RPTOR: variants seen among roughly 807,000 people sequenced by gnomAD.
RPTOR encodes the protein regulatory-associated protein of mTOR.
A neutral mutation model predicts 169.9 loss-of-function variants in RPTOR; 21 were observed. The ratio of observed to expected loss-of-function variants is 0.12; its 90% confidence interval spans 0.09 to 0.18. The LOEUF (loss-of-function observed/expected upper bound fraction) is 0.18, where lower values mean the gene tolerates loss of function less well. RPTOR is among the 10% of genes least tolerant of loss of function. The probability of loss-of-function intolerance (pLI) is 1.00; values close to 1 mark genes in which losing one functional copy is unlikely to be tolerated. For synonymous variants in RPTOR, 732 were observed against 753.2 expected (o/e 0.97, Z 0.46); for missense variants, 1,133 against 1,855.9 (o/e 0.61, Z 7.16).
rs570269330 is a variant in RPTOR, at chr17:80,574,471, T to C, written c.162+28680T>C. Among the ~76,000 whole-genome samples, 3 of 152,094 alleles carry C rather than the reference T, an allele frequency of 2.0e-5. No homozygotes were observed. In the East Asian group the frequency reaches 5.8e-4, roughly 29 times the overall value. On this transcript the variant is annotated intron_variant, in intron 1 of 33. Coordinates refer to ENST00000306801, the MANE Select transcript of RPTOR (RefSeq NM_020761.3). ...GTGAGCCACCGCGCCCGGCCGGTTT[T>C]TTTTTTCTTTTTGAGTCAGTTTTGG...
At chr17:80,577,307 G>C (rs1012011151) in intron 1 of RPTOR, among the ~76,000 whole-genome samples, 2 of 152,154 alleles carry the variant, frequency 1.3e-5, no homozygotes, top group Non-Finnish European at 2.9e-5. Context: ...TGTGATTATA[G>C]GCATGAGCCA....
At chr17:80,729,144 A>C (rs1034076249) in intron 4 of RPTOR, among the ~76,000 whole-genome samples, 1 of 152,232 alleles carries the variant, frequency 6.6e-6, no homozygotes, top group Admixed American at 6.5e-5. Context: ...GCACGGACAA[A>C]GCTTCTGCAG....
At position 80,883,203 on chromosome 17, in the gene RPTOR, G is replaced by C. The variant is rs542914895; in HGVS notation, c.1585-216G>C. On this transcript the variant is annotated intron_variant, in intron 14 of 33. Coordinates refer to ENST00000306801, the MANE Select transcript of RPTOR (RefSeq NM_020761.3). ...TGTTAGGGCTTCCAAGGAGCAGTCT[G>C]TTCACTCCGGGAGGCGAGCCTGGAG... Among the ~76,000 whole-genome samples, 9 of 152,330 alleles carry C rather than the reference G, an allele frequency of 5.9e-5. No individual in the cohort carries two copies. The South Asian group carries it at 1.7e-3, about 28-fold the overall frequency.
intron 6 of RPTOR, among the ~76,000 whole-genome samples, chr17:80,759,948 C>T (rs1186260124): frequency 6.6e-6 from 1 of 152,116 alleles, no homozygotes; most frequent in Non-Finnish European, 1.5e-5. Flanking sequence ...TGTAAGTGGA[C>T]AGAATTTACG....
At chr17:80,584,058 G>T (rs1262119724) in intron 1 of RPTOR, among the ~76,000 whole-genome samples, 1 of 152,226 alleles carries the variant, frequency 6.6e-6, no homozygotes. Context: ...AGAGGTCAGG[G>T]GCATGGCGCA....
chr17:80,625,676 C>T lies in RPTOR; in HGVS notation c.163-15C>T, dbSNP rs771146471. Reference sequence around the variant, plus strand: ...TATTGAAATATTTATTTATTTTTTTCTGTTGTGTTTTCAGATGAAGACAGT... The same window carrying T: ...TATTGAAATATTTATTTATTTTTTTTTGTTGTGTTTTCAGATGAAGACAGT... On this transcript the variant is annotated splice_polypyrimidine_tract_variant and intron_variant, in intron 1 of 33. Transcript: ENST00000306801. The T allele has an allele frequency of 6.5e-7, 1 of 1,536,960 alleles. No homozygotes were observed. Among genetic ancestry groups the T allele is most frequent in the Admixed American group, 1.7e-5 (1 of 59,724 alleles).
In RPTOR at chr17:80,840,221, C is replaced by G. The variant is rs114065052; in HGVS notation, c.1212+2224C>G. On this transcript the variant is annotated intron_variant, in intron 10 of 33. Coordinates refer to ENST00000306801, the MANE Select transcript of RPTOR (RefSeq NM_020761.3). ...AGTTTTGTGCTTGGATGCGTGGAGT[C>G]ACGCAGGGTGTAGTCTTTGTGCCTG... 3.1e-3 allele frequency among the ~76,000 whole-genome samples: 465 copies of G among 152,280 alleles called. 3 individuals are homozygous for G. Among genetic ancestry groups the G allele is most frequent in the African/African-American group, 0.011 (439 of 41,536 alleles).
At chr17:80,952,073 T>TG (rs1324770811) in intron 28 of RPTOR, among the ~76,000 whole-genome samples, 1 of 152,138 alleles carries the variant, frequency 6.6e-6, no homozygotes, top group African/African-American at 2.4e-5. Flanking sequence ...AGCAGGTTGC[T>TG]GGGGGATGTC....
At position 80,625,847 on chromosome 17, in the gene RPTOR, C is replaced by T. The variant is rs2065389802; in HGVS notation, c.265+54C>T. ...CAAAGGCCGTCTGGCCGGCTCTGGC[C>T]TGGGCGGGGCTCGCCAAGCCTGTGG... On this transcript the variant is annotated intron_variant, in intron 2 of 33. Transcript: ENST00000306801. 3 of 1,286,180 alleles carry T rather than the reference C, an allele frequency of 2.3e-6. No homozygotes were observed. In the East Asian group the frequency reaches 6.9e-5, roughly 30 times the overall value. 79.7% of individuals were successfully genotyped at this position (1,286,180 alleles called of 1,614,324 possible). A position where few individuals can be genotyped will look rare whatever the true frequency, so the allele number is the denominator to read the frequency against.
In RPTOR at chr17:80,601,569, T is replaced by TTTTTTTTTTTTC. The variant is rs2065188094; in HGVS notation, c.163-24119_163-24118insTTTTTTTTCTTT. On this transcript the variant is annotated intron_variant, in intron 1 of 33. Coordinates refer to ENST00000306801, the MANE Select transcript of RPTOR (RefSeq NM_020761.3). Reference sequence around the variant, plus strand: ...GATGGTTCAGTCTTTTTTTTTTTTTTTTTAAATTTATTTTTTTATTGATAA... The same window carrying TTTTTTTTTTTTC: ...GATGGTTCAGTCTTTTTTTTTTTTTTTTTTTTTTTTTCTTTAAATTTATTTTTTTATTGATAA... Among the ~76,000 whole-genome samples the TTTTTTTTTTTTC allele has an allele frequency of 5.3e-5, 3 of 56,794 alleles. 1 individual carries two copies. The highest frequency in any genetic ancestry group is 1.1e-4 in the Non-Finnish European group (3 of 28,512). 37.3% of individuals were successfully genotyped at this position (56,794 alleles called of 152,430 possible). A position where few individuals can be genotyped will look rare whatever the true frequency, so the allele number is the denominator to read the frequency against.
At position 80,721,681 on chromosome 17, in the gene RPTOR, A is replaced by G. The variant is rs2066288126; in HGVS notation, c.508-8879A>G. Among the ~76,000 whole-genome samples, 1 of 151,356 alleles carries G rather than the reference A, an allele frequency of 6.6e-6. No individual in the cohort carries two copies. Among genetic ancestry groups the G allele is most frequent in the Non-Finnish European group, 1.5e-5 (1 of 68,040 alleles). On this transcript the variant is annotated intron_variant, in intron 4 of 33. Coordinates refer to ENST00000306801, the MANE Select transcript of RPTOR (RefSeq NM_020761.3). The surrounding 1 kb of genome is among the most constrained non-coding windows in gnomAD (Gnocchi z 4.7). ...CGGGCTTATTTTGGTAGTCATACAC[A>G]TGAAATGCACTTTGGGGGAGAAGGA... is the stretch of plus-strand genomic sequence containing the variant.
chr17:80,945,347 C>T (rs978910052), intron 25 of RPTOR, among the ~76,000 whole-genome samples: 1 of 152,108 alleles, frequency 6.6e-6, no homozygotes, highest in South Asian at 2.1e-4. Flanking sequence ...AATCCCAGCA[C>T]TTTGGGAGGC....
chr17:80,940,462 G>A (rs767197893), intron 24 of RPTOR, 34 bp from the exon 25 acceptor site: 24 of 1,576,864 alleles, frequency 1.5e-5, no homozygotes, highest in Admixed American at 6.9e-5. Flanking sequence ...CTGTTTCATC[G>A]CTGGGCTTAA....
chr17:80,599,329 CT>C (rs34149950), intron 1 of RPTOR, among the ~76,000 whole-genome samples: 26,292 of 152,172 alleles, frequency 0.17, 2,661 homozygotes, highest in Middle Eastern at 0.24. Flanking sequence ...CTGAGGCCCC[CT>C]GAGACCTGTG....
At chr17:80,811,679 C>T (rs1404189880) in intron 7 of RPTOR, among the ~76,000 whole-genome samples, 1 of 151,576 alleles carries the variant, frequency 6.6e-6, no homozygotes, top group East Asian at 1.9e-4. Flanking sequence ...CGGGACACAG[C>T]CACGCCCTCT....
intron 10 of RPTOR, among the ~76,000 whole-genome samples, chr17:80,841,153 G>A (rs796873033): frequency 2.5e-3 from 42 of 16,962 alleles, no homozygotes; most frequent in Non-Finnish European, 2.5e-3. Context: ...CACTCTCACC[G>A]CACGGCAGCT....
intron 6 of RPTOR, among the ~76,000 whole-genome samples, chr17:80,789,850 T>C (rs919882479): frequency 1.3e-5 from 2 of 152,244 alleles, no homozygotes; most frequent in Non-Finnish European, 1.5e-5. Flanking sequence ...CTTTTTAATA[T>C]TTTGTCCAGA....
chr17:80,886,015 G>T (rs2068241688), intron 17 of RPTOR, among the ~76,000 whole-genome samples: 1 of 152,264 alleles, frequency 6.6e-6, no homozygotes, highest in Non-Finnish European at 1.5e-5. Context: ...GGCTGCTCTT[G>T]CAGAGAACTC....
intron 5 of RPTOR, among the ~76,000 whole-genome samples, chr17:80,743,993 G>GGCTACTAGCACAGCCCTGGCTACT (rs2066526873): frequency 1.5e-3 from 1 of 666 alleles, no homozygotes. Flanking sequence ...TCCTGGTTAT[G>GGCTACTAGCACAGCCCTGGCTACT]AGCACAGCCC....
Sources: allele counts gnomAD v4.1 joint callset (sites outside exome capture counted in the v4.1 genomes callset), GRCh38; gene constraint gnomAD v4.1.1; non-coding constraint Gnocchi (gnomAD v3.1); transcripts MANE v1.5; gene names NCBI Gene and HGNC (gene_info 2026-07-23, HGNC 2026-07-21).